VSIG10: variants seen among roughly 807,000 people sequenced by gnomAD.
VSIG10 encodes V-set and immunoglobulin domain-containing protein 10.
VSIG10 carries 48 observed loss-of-function variants against 58.7 expected under a neutral mutation model. The observed-to-expected ratio is 0.82, with a 90% confidence interval of 0.65 to 1.04. The LOEUF (loss-of-function observed/expected upper bound fraction) is 1.04. VSIG10 is among the 50% of genes least tolerant of loss of function. The pLI is 0.00. For missense variants in VSIG10, 628 were observed against 670.0 expected (o/e 0.94, Z 0.69); for synonymous variants, 260 against 267.1 (o/e 0.97, Z 0.26).
chr12:118,067,054 C>G (rs1311346059), intron 8 of VSIG10, among the ~76,000 whole-genome samples: 1 of 151,968 alleles, frequency 6.6e-6, no homozygotes, highest in Admixed American at 6.5e-5. Context: ...TCTTATCTTT[C>G]TCTGAGGTCC....
chr12:118,103,715 C>T lies in VSIG10; in HGVS notation c.-44G>A. 1.4e-6 allele frequency: 2 copies of T among 1,432,902 alleles called. No homozygotes were observed. The highest frequency in any genetic ancestry group is 1.5e-5 in the African/African-American group (1 of 67,166). The allele number at this position is 1,432,902 out of a possible 1,614,324, so 88.8% of individuals were successfully genotyped here. A position where few individuals can be genotyped will look rare whatever the true frequency, so the allele number is the denominator to read the frequency against. On this transcript the variant is annotated 5_prime_UTR_variant, in exon 1 of 9. Coordinates refer to ENST00000359236, the MANE Select transcript of VSIG10 (RefSeq NM_019086.6). ...TCAGGAAACGCAGGCTCGGGCTGGG[C>T]TGGACGTGTGTGCCCCAGGGCCCCG...
chr12:118,090,971 C>T (rs1051486291), intron 2 of VSIG10, among the ~76,000 whole-genome samples: 3 of 152,088 alleles, frequency 2.0e-5, no homozygotes, highest in African/African-American at 7.2e-5. Flanking sequence ...CCCATCTCTA[C>T]TGAAAATACA....
chr12:118,073,990 C>G lies in VSIG10; in HGVS notation c.928G>C (p.Gly310Arg). 6.5e-7 allele frequency: 1 copy of G among 1,544,820 alleles called. No individual in the cohort carries two copies. Among genetic ancestry groups the G allele is most frequent in the South Asian group, 1.3e-5 (1 of 79,500 alleles). ...ATGGGCTCAGAGAGAAGGGAGGGAC[C>G]CCCTGGTGATCAGAAGGTAAACAAA... is the stretch of plus-strand genomic sequence containing the variant. ...SGASCMVQIR[G>R]PSLLSEPMKT... Residue 310 changes from glycine (G) to arginine (R), a missense_variant and splice_region_variant, in exon 5 of 9, where the codon GGT becomes CGT. Transcript: ENST00000359236.
At chr12:118,102,240 T>A (rs932909188) in intron 1 of VSIG10, 1 of 152,190 alleles carries the variant, frequency 6.6e-6, no homozygotes. Flanking sequence ...GTTCCTGGTG[T>A]TCATCGTGCA....
In VSIG10 at chr12:118,079,337, C is replaced by T; in HGVS notation, c.925+9G>A. 3 of 1,612,084 alleles carry T rather than the reference C, an allele frequency of 1.9e-6. No homozygotes were observed. Among genetic ancestry groups the T allele is most frequent in the Non-Finnish European group, 2.5e-6 (3 of 1,178,270 alleles). On this transcript the variant is annotated intron_variant, in intron 4 of 8. Transcript: ENST00000359236. ...ACTCCAACCCCAAGACAAAGCAAAA[C>T]AGACTCACTGATCTGCACCATGCAG...
chr12:118,071,203 G>T, intron 6 of VSIG10, 136 bp from the exon 7 acceptor site: 2 of 1,219,526 alleles, frequency 1.6e-6, no homozygotes, highest in Non-Finnish European at 2.4e-6. Context: ...GGTGTCCCGG[G>T]ATGGTACTTA....
In VSIG10 at chr12:118,101,381, C is replaced by A. The variant is rs141420949; in HGVS notation, c.79+2212G>T. 2.6e-3 allele frequency among the ~76,000 whole-genome samples: 396 copies of A among 152,252 alleles called. 5 individuals are homozygous for A. In the East Asian group the frequency reaches 0.029, roughly 11 times the overall value. On this transcript the variant is annotated intron_variant, in intron 1 of 8. Transcript: ENST00000359236. ...TTAAGTTATCACTTAAAGTCCCAAG[C>A]AAATCACTGGGAGATGTGGGATTGT...
chr12:118,073,613 G>A (rs2032587642), intron 5 of VSIG10, 86 bp downstream of exon 5: 1 of 1,462,012 alleles, frequency 6.8e-7, no homozygotes, highest in Non-Finnish European at 9.2e-7. Context: ...CCCATGTGTA[G>A]GGAGGCACCA....
In VSIG10 at chr12:118,065,091, G is replaced by A. The variant is rs1722621143; in HGVS notation, c.*1548C>T. 6.6e-6 allele frequency: 1 copy of A among 152,232 alleles called. No individual in the cohort carries two copies. The highest frequency in any genetic ancestry group is 2.4e-5 in the African/African-American group (1 of 41,468). 9.4% of individuals were successfully genotyped at this position (152,232 alleles called of 1,614,324 possible). ...ATACAAGGATCTACTGGAAGCATCA[G>A]CAGGCTAAACTCATCACATGGTATT... On this transcript the variant is annotated 3_prime_UTR_variant, in exon 9 of 9. Transcript: ENST00000359236.
chr12:118,100,734 G>A (rs1178084047), intron 1 of VSIG10, among the ~76,000 whole-genome samples: 1 of 152,100 alleles, frequency 6.6e-6, no homozygotes, highest in Non-Finnish European at 1.5e-5. Context: ...TCACTGTGTT[G>A]GCCAGGCTGG....
At chr12:118,072,744 A>T (rs1157101688) in intron 5 of VSIG10, among the ~76,000 whole-genome samples, 1 of 152,102 alleles carries the variant, frequency 6.6e-6, no homozygotes, top group Admixed American at 6.6e-5. Context: ...GTAAAACTTA[A>T]AATTCAGGAC....
chr12:118,083,348 T>C (rs7969236), intron 2 of VSIG10, among the ~76,000 whole-genome samples: 102,325 of 151,576 alleles, frequency 0.68, 36,462 homozygotes, highest in African/African-American at 0.91. Context: ...GAGGCCAAGA[T>C]AGGCAAATCA....
intron 5 of VSIG10, among the ~76,000 whole-genome samples, chr12:118,072,464 C>CAAAAA (rs560409870): frequency 4.4e-4 from 38 of 86,624 alleles, no homozygotes; most frequent in Admixed American, 7.7e-4. Context: ...GACTCCGTCT[C>CAAAAA]AAAAAAAAAA....
chr12:118,083,171 G>C (rs2033018673), intron 2 of VSIG10, among the ~76,000 whole-genome samples: 1 of 142,364 alleles, frequency 7.0e-6, no homozygotes, highest in Non-Finnish European at 1.5e-5. Context: ...GCTAGGCACA[G>C]TAGCTCATGA....
chr12:118,093,776 G>A (rs908209744), intron 2 of VSIG10, among the ~76,000 whole-genome samples: 2 of 151,994 alleles, frequency 1.3e-5, no homozygotes, highest in Non-Finnish European at 2.9e-5. Context: ...GGGAGAGTTG[G>A]CAGGCGCCTG....
chr12:118,091,865 C>G (rs1566174350), intron 2 of VSIG10, among the ~76,000 whole-genome samples: 1 of 151,908 alleles, frequency 6.6e-6, no homozygotes, highest in Non-Finnish European at 1.5e-5. Flanking sequence ...TGAAGCGATT[C>G]TCTTGCCTCA....
intron 5 of VSIG10, among the ~76,000 whole-genome samples, chr12:118,073,189 G>A (rs780440793): frequency 9.2e-5 from 14 of 151,958 alleles, no homozygotes; most frequent in Admixed American, 3.9e-4. Context: ...AGCCTCCCAA[G>A]TAATTTTGTA....
chr12:118,069,493 A>T (rs532327416), intron 7 of VSIG10, among the ~76,000 whole-genome samples: 2 of 136,768 alleles, frequency 1.5e-5, no homozygotes, highest in East Asian at 2.2e-4. Context: ...TGGCACAATC[A>T]TGGCTCACCG....
chr12:118,081,549 A>C (rs1444345057), intron 3 of VSIG10, among the ~76,000 whole-genome samples: 1 of 152,024 alleles, frequency 6.6e-6, no homozygotes, highest in Non-Finnish European at 1.5e-5. Flanking sequence ...GAAAGAAAAA[A>C]AAAAGAATGC....
Sources: gnomAD v4.1 joint callset for allele counts (sites outside exome capture counted in the v4.1 genomes callset) on GRCh38, gnomAD v4.1.1 for gene constraint, MANE v1.5 for transcripts, NCBI Gene and HGNC (gene_info 2026-07-23, HGNC 2026-07-21) for gene names.